Variants in TXNDC11 observed in about 807,000 individuals in gnomAD.
TXNDC11 encodes the protein thioredoxin domain-containing protein 11.
Under a neutral mutation model 78.0 loss-of-function variants are expected in TXNDC11, and 68 were observed. The ratio of observed to expected loss-of-function variants is 0.87; its 90% CI spans 0.72 to 1.07. The LOEUF is 1.07. Among genes scored for constraint, TXNDC11 ranks in the 50% least tolerant of loss-of-function variants. TXNDC11 has a pLI of 0.00. For missense variants in TXNDC11, 1,389 were observed against 1,221.8 expected (o/e 1.14, Z -2.04); for synonymous variants, 571 against 495.2 (o/e 1.15, Z -2.03).
chr16:11,688,035 G>T (rs1445962794), intron 9 of TXNDC11, 69 bp from the exon 10 acceptor site: 1 of 1,254,214 alleles, frequency 8.0e-7, no homozygotes, highest in Non-Finnish European at 1.1e-6. Context: ...TTTCCTCATT[G>T]CTTAGAATCC....
At chr16:11,742,168 C>T (rs2052416658) in intron 1 of TXNDC11, 2 of 355,416 alleles carry the variant, frequency 5.6e-6, no homozygotes, top group African/African-American at 2.1e-5. Flanking sequence ...ACAGCCCGGG[C>T]CGAAGTGACA....
chr16:11,714,257 CAA>C (rs1424730803), intron 5 of TXNDC11, among the ~76,000 whole-genome samples: 1 of 152,134 alleles, frequency 6.6e-6, no homozygotes, highest in African/African-American at 2.4e-5. Context: ...CTCCTGAGCT[CAA>C]GAGATCCACC....
At position 11,710,739 on chromosome 16, in the gene TXNDC11, C is replaced by T. The variant is rs1003765424; in HGVS notation, c.794-10175G>A. ...GCCTGCAGGAAGATCACCTGAGCCT[C>T]GGGAGTTTGAAGCTGCAATGAGCCG... On this transcript the variant is annotated intron_variant, in intron 5 of 11. Coordinates refer to ENST00000283033, the MANE Select transcript of TXNDC11 (RefSeq NM_015914.7). Among the ~76,000 whole-genome samples the T allele has an allele frequency of 3.9e-5, 6 of 152,252 alleles. No individual in the cohort carries two copies. The East Asian group carries it at 1.2e-3, about 29-fold the overall frequency.
Position 11,736,191 on chromosome 16 carries a change from G to C in TXNDC11, c.297C>G (p.Ser99Arg). 1 of 1,613,872 alleles carries C rather than the reference G, an allele frequency of 6.2e-7. No homozygotes were observed. The highest frequency in any genetic ancestry group is 2.2e-5 in the East Asian group (1 of 44,878). Residue 99 changes from serine to arginine, a missense_variant, in exon 2 of 12, where the codon AGC (serine) becomes AGG (arginine). Ser to Arg is a moderately radical substitution (Grantham distance 110, BLOSUM62 -1). Transcript: ENST00000283033. Reference protein sequence around the residue: ...DVIIPAKPPVSFFSLRSPVLD... With the variant: ...DVIIPAKPPVRFFSLRSPVLD... Reference sequence around the variant, plus strand: ...GGACTGGAGACCTCAAGGAGAAAAAGCTGACAGGTGGCTTTGCTGGTATTA... The same window carrying C: ...GGACTGGAGACCTCAAGGAGAAAAACCTGACAGGTGGCTTTGCTGGTATTA...
chr16:11,736,784 T>A (rs1020096220), intron 1 of TXNDC11, among the ~76,000 whole-genome samples: 1 of 152,198 alleles, frequency 6.6e-6, no homozygotes, highest in East Asian at 1.9e-4. Flanking sequence ...CAGATATATA[T>A]CATAATCCTA....
intron 1 of TXNDC11, among the ~76,000 whole-genome samples, chr16:11,739,921 C>T (rs988954837): frequency 2.6e-5 from 4 of 151,886 alleles, no homozygotes; most frequent in African/African-American, 4.8e-5. Flanking sequence ...AGGCCAGGCG[C>T]GGTGGCTCAC....
chr16:11,699,420 T>C (rs752510196), intron 6 of TXNDC11, among the ~76,000 whole-genome samples: 2 of 152,170 alleles, frequency 1.3e-5, no homozygotes, highest in Non-Finnish European at 2.9e-5. Flanking sequence ...CAAAGCAGCT[T>C]AGGCAGAGGC....
At chr16:11,729,263 C>G (rs2051974166) in intron 4 of TXNDC11, among the ~76,000 whole-genome samples, 1 of 152,182 alleles carries the variant, frequency 6.6e-6, no homozygotes, top group African/African-American at 2.4e-5. Context: ...GGATCAGGCC[C>G]CAGTACCCTG....
chr16:11,698,217 G>A lies in TXNDC11; in HGVS notation c.1015C>T (p.Leu339Phe). ...TTCTTCAGCTCGTTATTCAGCAGGAGACTCTTGCCTCCGTGTGGCCGCAGC... is the reference window on the plus strand; with the variant it reads ...TTCTTCAGCTCGTTATTCAGCAGGAAACTCTTGCCTCCGTGTGGCCGCAGC... ...RWLRPHGGKS[L>F]LLNNELKKGP... is the part of the protein sequence containing the mutation. Residue 339 changes from leucine to phenylalanine, a missense_variant, in exon 7 of 12, where the codon CTC becomes TTC. By Grantham distance (22) the Leu-to-Phe change is conservative. Coordinates refer to ENST00000283033, the MANE Select transcript of TXNDC11 (RefSeq NM_015914.7). The A allele has an allele frequency of 2.5e-6, 4 of 1,614,242 alleles. No individual in the cohort carries two copies. The highest frequency in any genetic ancestry group is 1.3e-5 in the African/African-American group (1 of 75,070).
chr16:11,722,416 T>G (rs144951369), intron 4 of TXNDC11, among the ~76,000 whole-genome samples: 1 of 152,358 alleles, frequency 6.6e-6, no homozygotes, highest in Non-Finnish European at 1.5e-5. Flanking sequence ...CTGTTTACAA[T>G]CACTTCTTCC....
chr16:11,682,640 C>G (rs1008302719), intron 11 of TXNDC11, among the ~76,000 whole-genome samples: 1 of 152,158 alleles, frequency 6.6e-6, no homozygotes, highest in African/African-American at 2.4e-5. Context: ...GCTTGGAATT[C>G]AAAAATTATA....
chr16:11,714,882 T>C (rs2051482627), intron 5 of TXNDC11, among the ~76,000 whole-genome samples: 1 of 152,204 alleles, frequency 6.6e-6, no homozygotes, highest in Non-Finnish European at 1.5e-5. Flanking sequence ...CTACTAATGC[T>C]ACAAGGTTTC....
chr16:11,733,442 G>T (rs1197844463), intron 3 of TXNDC11, among the ~76,000 whole-genome samples: 1 of 151,784 alleles, frequency 6.6e-6, no homozygotes, highest in Non-Finnish European at 1.5e-5. Context: ...CAGGAGAATG[G>T]CGTGAATCCG....
At chr16:11,690,101 AC>A (rs2050668740) in intron 8 of TXNDC11, 1 of 152,248 alleles carries the variant, frequency 6.6e-6, no homozygotes, top group African/African-American at 2.4e-5. Flanking sequence ...TTGAGTTCAT[AC>A]TTTAAAACTT....
intron 2 of TXNDC11, among the ~76,000 whole-genome samples, chr16:11,734,433 A>G (rs2052161624): frequency 6.6e-6 from 1 of 152,122 alleles, no homozygotes; most frequent in South Asian, 2.1e-4. Context: ...TTTTAAAAAA[A>G]GCAGCAGTCC....
At chr16:11,698,823 G>A (rs573127727) in intron 6 of TXNDC11, among the ~76,000 whole-genome samples, 3 of 152,284 alleles carry the variant, frequency 2.0e-5, no homozygotes, top group South Asian at 2.1e-4. Flanking sequence ...TGTATCCTCC[G>A]GGCCTAGACG....
chr16:11,733,566 G>T (rs886537697), intron 3 of TXNDC11, among the ~76,000 whole-genome samples: 2 of 152,126 alleles, frequency 1.3e-5, no homozygotes, highest in African/African-American at 4.8e-5. Context: ...CTGTGTACTT[G>T]TAGTAATTTT....
chr16:11,737,174 T>G (rs11075012), intron 1 of TXNDC11, among the ~76,000 whole-genome samples: 3 of 151,936 alleles, frequency 2.0e-5, no homozygotes, highest in South Asian at 2.1e-4. Context: ...AGACCAGGCG[T>G]GGTGACTCAG....
At chr16:11,681,099 G>C (rs566732794) in intron 11 of TXNDC11, among the ~76,000 whole-genome samples, 97 of 152,304 alleles carry the variant, frequency 6.4e-4, no homozygotes, top group African/African-American at 2.2e-3. Flanking sequence ...TTGAGTCCAG[G>C]AGTTCAAGAC....
Sources: allele counts gnomAD v4.1 joint callset (sites outside exome capture counted in the v4.1 genomes callset), GRCh38; gene constraint gnomAD v4.1.1; transcripts MANE v1.5; gene names NCBI Gene and HGNC (gene_info 2026-07-23, HGNC 2026-07-21).